Variants in GLI3 observed in about 807,000 individuals in gnomAD.
GLI3 encodes GLI family zinc finger 3, also known as transcription activator GLI3.
A neutral mutation model predicts 100.8 loss-of-function variants in GLI3; 20 were observed. That is an observed-to-expected ratio of 0.20 (90% confidence interval 0.14 to 0.29). The LOEUF (loss-of-function observed/expected upper bound fraction) is 0.29. Among genes scored for constraint, GLI3 ranks in the 10% least tolerant of loss-of-function variants. The probability of loss-of-function intolerance (pLI) is 1.00; values close to 1 mark genes in which losing one functional copy is unlikely to be tolerated. For synonymous variants in GLI3, 938 were observed against 860.5 expected, an observed-to-expected ratio of 1.09 and a Z score of -1.58; for missense variants, 2,040 against 2,128.5, an observed-to-expected ratio of 0.96 and a Z score of 0.82.
rs190140696 is a variant in GLI3 at position 42,210,829 on chromosome 7, C to A, written c.124+12301G>T. Among the ~76,000 whole-genome samples the A allele has an allele frequency of 3.0e-4, 45 of 152,232 alleles. No individual in the cohort carries two copies. In the South Asian group the frequency reaches 9.1e-3, roughly 31 times the overall value. On this transcript the variant is annotated intron_variant, in intron 2 of 14. Coordinates refer to ENST00000395925, the MANE Select transcript of GLI3 (RefSeq NM_000168.6). ...GCCTAGCAATAGGTACGTGTAGGACCATGTTTCCTCTTCAATCTAGAAAAA... is the reference window on the plus strand; with the variant it reads ...GCCTAGCAATAGGTACGTGTAGGACAATGTTTCCTCTTCAATCTAGAAAAA...
At chr7:42,095,912 G>A (rs1025965781) in intron 3 of GLI3, among the ~76,000 whole-genome samples, 4 of 152,194 alleles carry the variant, frequency 2.6e-5, no homozygotes, top group Non-Finnish European at 5.9e-5. Flanking sequence ...GAGGAAACCT[G>A]GAGGGAGGCT....
intron 10 of GLI3, among the ~76,000 whole-genome samples, chr7:42,012,266 C>T (rs1263447659): frequency 6.6e-6 from 1 of 152,142 alleles, no homozygotes; most frequent in Non-Finnish European, 1.5e-5. Flanking sequence ...AATCGACAAG[C>T]AGGTACTGAT....
At chr7:42,174,896 G>A (rs758520321) in intron 2 of GLI3, among the ~76,000 whole-genome samples, 7 of 152,174 alleles carry the variant, frequency 4.6e-5, no homozygotes, top group Non-Finnish European at 7.3e-5. Context: ...TGGGCTTGCC[G>A]GGAGGATTAA....
intron 4 of GLI3, among the ~76,000 whole-genome samples, chr7:42,054,161 A>T (rs1296891315): frequency 6.6e-6 from 1 of 152,242 alleles, no homozygotes; most frequent in Non-Finnish European, 1.5e-5. Context: ...ATGGTCATGA[A>T]AATAGATTAC....
intron 3 of GLI3, among the ~76,000 whole-genome samples, chr7:42,111,658 C>T (rs1450511856): frequency 1.3e-5 from 2 of 152,182 alleles, no homozygotes; most frequent in East Asian, 1.9e-4. Flanking sequence ...GCATGAGACA[C>T]AGCAACAAGA....
At chr7:42,231,577 G>A (rs1788696474) in intron 1 of GLI3, among the ~76,000 whole-genome samples, 1 of 152,154 alleles carries the variant, frequency 6.6e-6, no homozygotes, top group Non-Finnish European at 1.5e-5. Flanking sequence ...AGCAGACACT[G>A]TCCTGAAGTG....
intron 2 of GLI3, among the ~76,000 whole-genome samples, chr7:42,207,320 C>T (rs745393646): frequency 3.3e-5 from 5 of 152,178 alleles, no homozygotes; most frequent in Non-Finnish European, 4.4e-5. Context: ...GCTCTGTTTA[C>T]ATGGTGTGTT....
chr7:42,000,284 C>G (rs1187315237), intron 10 of GLI3, among the ~76,000 whole-genome samples: 1 of 152,122 alleles, frequency 6.6e-6, no homozygotes, highest in African/African-American at 2.4e-5. Context: ...GAAGATTTTT[C>G]AATATAAACT....
chr7:42,020,888 T>G (rs1290627399), intron 10 of GLI3, among the ~76,000 whole-genome samples: 3 of 23,990 alleles, frequency 1.3e-4, no homozygotes, highest in South Asian at 3.5e-3. Flanking sequence ...AGACTCCGTC[T>G]CAAAAAAAAA....
At chr7:41,991,264 C>T (rs368259461) in intron 10 of GLI3, among the ~76,000 whole-genome samples, 4 of 152,188 alleles carry the variant, frequency 2.6e-5, no homozygotes, top group East Asian at 1.9e-4. Context: ...TTCACTCATG[C>T]TCCCCACATC....
chr7:42,197,831 T>G (rs1012020162), intron 2 of GLI3, among the ~76,000 whole-genome samples: 1 of 152,194 alleles, frequency 6.6e-6, no homozygotes, highest in South Asian at 2.1e-4. Context: ...CAGTCCACGT[T>G]AACGCAAGGC....
At chr7:42,126,041 AT>A (rs199924887) in intron 3 of GLI3, among the ~76,000 whole-genome samples, 6 of 152,190 alleles carry the variant, frequency 3.9e-5, no homozygotes, top group South Asian at 4.1e-4. Flanking sequence ...CTTAAAAGGA[AT>A]TTTTTTAAAA....
At chr7:42,225,677 G>C (rs1281307004) in intron 1 of GLI3, among the ~76,000 whole-genome samples, 1 of 152,142 alleles carries the variant, frequency 6.6e-6, no homozygotes, top group Non-Finnish European at 1.5e-5. Context: ...GTTTATTTTT[G>C]CTCACTGCTG....
chr7:41,974,783 C>G (rs1446780742), intron 12 of GLI3, among the ~76,000 whole-genome samples: 1 of 152,178 alleles, frequency 6.6e-6, no homozygotes, highest in Non-Finnish European at 1.5e-5. Flanking sequence ...ATAGTAAGCA[C>G]TCAATATACA....
chr7:42,248,442 T>G (rs1364051717), intron 1 of GLI3, among the ~76,000 whole-genome samples: 1 of 152,360 alleles, frequency 6.6e-6, no homozygotes, highest in East Asian at 1.9e-4. Context: ...AGGCCTATCA[T>G]TTTATTACTA....
At chr7:41,995,573 A>G (rs1018785081) in intron 10 of GLI3, among the ~76,000 whole-genome samples, 25 of 152,140 alleles carry the variant, frequency 1.6e-4, no homozygotes, top group Admixed American at 1.3e-4. Flanking sequence ...TCTACCCACT[A>G]TGTAGATGTA....
At chr7:42,028,226 C>T (rs1243882103) in intron 7 of GLI3, among the ~76,000 whole-genome samples, 1 of 152,138 alleles carries the variant, frequency 6.6e-6, no homozygotes, top group Non-Finnish European at 1.5e-5. Flanking sequence ...ATTACCATGG[C>T]ACACCGACTT....
At chr7:42,181,013 A>C (rs1057000953) in intron 2 of GLI3, among the ~76,000 whole-genome samples, 1 of 152,202 alleles carries the variant, frequency 6.6e-6, no homozygotes, top group East Asian at 1.9e-4. Context: ...TCAGTTTTGC[A>C]GGCCAGTCTG....
chr7:42,005,858 G>C (rs1013022088), intron 10 of GLI3, among the ~76,000 whole-genome samples: 1 of 152,184 alleles, frequency 6.6e-6, no homozygotes, highest in Admixed American at 6.5e-5. Flanking sequence ...TAGTTAGTGA[G>C]AGGAGTTGAG....
Sources: gnomAD v4.1 joint callset for allele counts (sites outside exome capture counted in the v4.1 genomes callset) on GRCh38, gnomAD v4.1.1 for gene constraint, MANE v1.5 for transcripts, NCBI Gene and HGNC (gene_info 2026-07-23, HGNC 2026-07-21) for gene names.